The following BID variants were observed in gnomAD, a reference collection of about 807,000 sequenced individuals.
The protein encoded by BID is BH3-interacting domain death agonist.
A neutral mutation model predicts 17.4 loss-of-function variants in BID; 19 were observed. The ratio of observed to expected loss-of-function variants is 1.09; its 90% CI spans 0.76 to 1.60. The LOEUF (loss-of-function observed/expected upper bound fraction) is 1.60, where lower values mean the gene tolerates loss of function less well. BID is among the 40% of genes most tolerant of loss of function. The pLI, the probability that BID is intolerant of heterozygous loss-of-function variation, is 0.00. For missense variants in BID, 226 were observed against 256.0 expected (o/e 0.88, Z 0.80); for synonymous variants, 108 against 102.8 (o/e 1.05, Z -0.31).
chr22:17,754,514 G>T (rs777471061), intron 1 of BID, among the ~76,000 whole-genome samples: 15 of 152,242 alleles, frequency 9.9e-5, no homozygotes, highest in Non-Finnish European at 1.9e-4. Context: ...TGAGGCCTAT[G>T]TGCCTCCCAT....
At chr22:17,755,178 A>G (rs1248780531) in intron 1 of BID, among the ~76,000 whole-genome samples, 2 of 138,282 alleles carry the variant, frequency 1.4e-5, no homozygotes, top group East Asian at 4.2e-4. Context: ...TCCGCCTCCC[A>G]GGTTCACGCC....
intron 1 of BID, among the ~76,000 whole-genome samples, chr22:17,766,766 T>G (rs1231803773): frequency 6.6e-6 from 1 of 151,578 alleles, no homozygotes; most frequent in African/African-American, 2.4e-5. Context: ...ATTGTTTGTA[T>G]TTTTTAGTGG....
At chr22:17,770,393 AG>A (rs990970168) in intron 1 of BID, among the ~76,000 whole-genome samples, 3 of 152,188 alleles carry the variant, frequency 2.0e-5, no homozygotes, top group Non-Finnish European at 4.4e-5. Flanking sequence ...CCACTTACAA[AG>A]GGTTTTCCCT....
rs1048980262 is a variant in BID at position 17,766,055 on chromosome 22, A to G, written c.-59+8326T>C. Reference sequence around the variant, plus strand: ...GCGATCCTCCCCCCTCAGCCTCCAGAGCCGGGACTACAGGCACAACCACCA... The same window carrying G: ...GCGATCCTCCCCCCTCAGCCTCCAGGGCCGGGACTACAGGCACAACCACCA... On this transcript the variant is annotated intron_variant, in intron 1 of 5. Coordinates refer to ENST00000622694, the MANE Select transcript of BID (RefSeq NM_001196.4). Among the ~76,000 whole-genome samples, 6 of 152,150 alleles carry G rather than the reference A, an allele frequency of 3.9e-5. No individual in the cohort carries two copies. In the South Asian group the frequency reaches 1.2e-3, roughly 32 times the overall value.
Position 17,739,475 on chromosome 22 carries a change from T to C in BID, c.237A>G (p.Gln79=). ...TGGCAATATTCCGGATGATGTCTTC[T>C]TGACTTTCAGAATCTGTGTTCAGGC... The part of the protein sequence containing the change: ...LGRIEADSES[Q]EDIIRNIARH... The change falls in exon 4 of 6, where the codon CAA becomes CAG. Residue 79 remains glutamine, a synonymous_variant. Transcript: ENST00000622694. The C allele has an allele frequency of 6.2e-7, 1 of 1,611,834 alleles. No homozygotes were observed. Among genetic ancestry groups the C allele is most frequent in the Non-Finnish European group, 8.5e-7 (1 of 1,179,652 alleles).
At chr22:17,751,072 G>A (rs990025753) in intron 1 of BID, among the ~76,000 whole-genome samples, 13 of 151,860 alleles carry the variant, frequency 8.6e-5, no homozygotes, top group African/African-American at 3.1e-4. Context: ...AGTACAGTAA[G>A]CTGTCTTAAA....
At chr22:17,746,290 C>A (rs1014812095) in intron 2 of BID, among the ~76,000 whole-genome samples, 4 of 152,158 alleles carry the variant, frequency 2.6e-5, no homozygotes, top group Non-Finnish European at 5.9e-5. Flanking sequence ...CCAGTCCCCA[C>A]CAGTGCACAA....
At chr22:17,749,686 G>A (rs1024070799) in intron 2 of BID, among the ~76,000 whole-genome samples, 1 of 152,112 alleles carries the variant, frequency 6.6e-6, no homozygotes, top group Non-Finnish European at 1.5e-5. Context: ...AATCTCTTTC[G>A]TGTTTGTTTG....
At chr22:17,753,812 C>T (rs1195691745) in intron 1 of BID, among the ~76,000 whole-genome samples, 6 of 152,262 alleles carry the variant, frequency 3.9e-5, no homozygotes, top group African/African-American at 1.4e-4. Flanking sequence ...AGGCTGCCCT[C>T]ATGCCAGGAC....
At position 17,745,093 on chromosome 22, in the gene BID, C is replaced by A. The variant is rs567638825; in HGVS notation, c.13-1080G>T. On this transcript the variant is annotated intron_variant, in intron 2 of 5. Coordinates refer to ENST00000622694, the MANE Select transcript of BID (RefSeq NM_001196.4). ...TGAGATGGAGTCTCGCTCTGTCACC[C>A]AGGCTGGAGTGCAGTGGTGTGATCT... Among the ~76,000 whole-genome samples the A allele has an allele frequency of 6.6e-5, 10 of 152,258 alleles. No individual in the cohort carries two copies. In the East Asian group the frequency reaches 1.9e-3, roughly 29 times the overall value.
At chr22:17,765,086 T>C (rs2061668948) in intron 1 of BID, among the ~76,000 whole-genome samples, 1 of 152,154 alleles carries the variant, frequency 6.6e-6, no homozygotes, top group Admixed American at 6.6e-5. Flanking sequence ...AGTCAGTAAG[T>C]AGTTCCAGTC....
chr22:17,758,670 T>C, intron 1 of BID, among the ~76,000 whole-genome samples: 1 of 152,158 alleles, frequency 6.6e-6, no homozygotes, highest in East Asian at 1.9e-4. Context: ...ATACATGTGG[T>C]TCTATCTCCA....
At chr22:17,766,064 T>C (rs1232408055) in intron 1 of BID, among the ~76,000 whole-genome samples, 1 of 152,016 alleles carries the variant, frequency 6.6e-6, no homozygotes, top group Admixed American at 6.6e-5. Context: ...GAGCCGGGAC[T>C]ACAGGCACAA....
In BID at chr22:17,740,108, G is replaced by A. The variant is rs555318330; in HGVS notation, c.224-620C>T. The A allele has an allele frequency of 1.1e-4, 123 of 1,165,974 alleles. 1 individual carries two copies. In the Middle Eastern group the frequency reaches 1.3e-3, roughly 13 times the overall value. The allele number at this position is 1,165,974 out of a possible 1,614,324, so 72.2% of individuals were successfully genotyped here. A position where few individuals can be genotyped will look rare whatever the true frequency, so the allele number is the denominator to read the frequency against. ...ACTGTCGCAGCTCCATGAAGGCCAC[G>A]CTCAACTGCCACGCTCCCTGCCGCC... On this transcript the variant is annotated intron_variant, in intron 3 of 5. Coordinates refer to ENST00000622694, the MANE Select transcript of BID (RefSeq NM_001196.4).
At chr22:17,771,695 C>G (rs1324499327) in intron 1 of BID, among the ~76,000 whole-genome samples, 1 of 152,152 alleles carries the variant, frequency 6.6e-6, no homozygotes, top group South Asian at 2.1e-4. Flanking sequence ...TGAAACTTCC[C>G]CATTTTGGAC....
At chr22:17,750,073 A>C (rs756165668) in intron 2 of BID, 32 bp downstream of exon 2, 2 of 1,607,832 alleles carry the variant, frequency 1.2e-6, no homozygotes, top group East Asian at 4.5e-5. Flanking sequence ...CCCGCCCCCC[A>C]CAAGGCACCC....
At chr22:17,764,114 T>C (rs1248697042) in intron 1 of BID, 3 of 154,390 alleles carry the variant, frequency 1.9e-5, no homozygotes, top group Non-Finnish European at 2.9e-5. Flanking sequence ...TCCCATCCTG[T>C]AGGAAGTGGT....
At chr22:17,760,353 G>A (rs1383296210) in intron 1 of BID, among the ~76,000 whole-genome samples, 1 of 147,908 alleles carries the variant, frequency 6.8e-6, no homozygotes, top group African/African-American at 2.5e-5. Context: ...TCGAGAGGCT[G>A]AGGCAGAAGA....
chr22:17,749,326 C>T (rs763497533), intron 2 of BID, among the ~76,000 whole-genome samples: 3 of 152,134 alleles, frequency 2.0e-5, no homozygotes, highest in Non-Finnish European at 4.4e-5. Context: ...GCTCCGGGCT[C>T]CCCTCCCAGA....
Sources: gnomAD v4.1 joint callset for allele counts (sites outside exome capture counted in the v4.1 genomes callset) on GRCh38, gnomAD v4.1.1 for gene constraint, MANE v1.5 for transcripts, NCBI Gene and HGNC (gene_info 2026-07-23, HGNC 2026-07-21) for gene names.